Variants in ADGRV1 observed in about 807,000 individuals in gnomAD.
The protein encoded by ADGRV1 is G-protein coupled receptor 98.
In ADGRV1, 359 loss-of-function variants were observed where a neutral mutation model predicts 596.2. That is an observed-to-expected ratio of 0.60 (90% CI 0.55 to 0.66). The LOEUF (loss-of-function observed/expected upper bound fraction) is 0.66, where lower values mean the gene tolerates loss of function less well. ADGRV1 is among the 30% of genes least tolerant of loss of function. The probability of loss-of-function intolerance (pLI) is 0.00; values close to 1 mark genes in which losing one functional copy is unlikely to be tolerated. For synonymous variants in ADGRV1, 2,681 were observed against 2,679.2 expected, an observed-to-expected ratio of 1.00 and a Z score of -0.02; for missense variants, 7,274 against 7,575.6, an observed-to-expected ratio of 0.96 and a Z score of 1.48.
intron 83 of ADGRV1, among the ~76,000 whole-genome samples, chr5:90,920,036 A>G (rs951138922): frequency 1.3e-5 from 2 of 151,974 alleles, no homozygotes; most frequent in African/African-American, 4.8e-5. Context: ...TTGGAAGAGT[A>G]ATATTTACAT....
Position 90,736,900 on chromosome 5 carries a change from T to A in ADGRV1, c.10549+7136T>A, listed in dbSNP as rs540751834. 3.2e-3 allele frequency among the ~76,000 whole-genome samples: 483 copies of A among 150,822 alleles called. 1 individual carries two copies. Among genetic ancestry groups the A allele is most frequent in the African/African-American group, 5.3e-3 (218 of 41,336 alleles). The stretch of plus-strand genomic sequence containing the variant: ...CTAAGGGTTTGTCAACTTTTTCTTT[T>A]AAAAAAAAACAATTCTTAGTTTTAT... On this transcript the variant is annotated intron_variant, in intron 50 of 89. Coordinates refer to ENST00000405460, the MANE Select transcript of ADGRV1 (RefSeq NM_032119.4).
chr5:91,019,656 G>T (rs535444124), intron 85 of ADGRV1, among the ~76,000 whole-genome samples: 2 of 151,920 alleles, frequency 1.3e-5, no homozygotes, highest in Non-Finnish European at 2.9e-5. Flanking sequence ...CTTGGAAACT[G>T]TTTTGTAATT....
intron 77 of ADGRV1, among the ~76,000 whole-genome samples, chr5:90,835,151 G>C (rs1341647960): frequency 2.0e-5 from 3 of 152,078 alleles, no homozygotes; most frequent in Non-Finnish European, 4.4e-5. Context: ...TCACAATCTG[G>C]GCTTATTTTT....
At chr5:90,583,523 CA>C (rs979643337) in intron 1 of ADGRV1, among the ~76,000 whole-genome samples, 25 of 152,042 alleles carry the variant, frequency 1.6e-4, no homozygotes, top group African/African-American at 6.0e-4. Context: ...TTCTAGCTAC[CA>C]AAAACTTTTC....
At chr5:91,061,687 A>T (rs977787494) in intron 85 of ADGRV1, among the ~76,000 whole-genome samples, 7 of 152,240 alleles carry the variant, frequency 4.6e-5, no homozygotes, top group Non-Finnish European at 1.0e-4. Context: ...GCATATAAGT[A>T]CATTTTAAGC....
chr5:90,596,853 G>A (rs1760740633), intron 1 of ADGRV1, among the ~76,000 whole-genome samples: 1 of 152,116 alleles, frequency 6.6e-6, no homozygotes. Flanking sequence ...GAGAGCGAGA[G>A]GGAGAGGGAG....
At chr5:91,150,933 A>C (rs970105159) in intron 88 of ADGRV1, among the ~76,000 whole-genome samples, 2 of 152,184 alleles carry the variant, frequency 1.3e-5, no homozygotes, top group African/African-American at 4.8e-5. Context: ...ACATCCCTGA[A>C]TTCCTTTGGC....
chr5:91,037,036 G>A (rs1223992031), intron 85 of ADGRV1, among the ~76,000 whole-genome samples: 1 of 152,166 alleles, frequency 6.6e-6, no homozygotes, highest in Non-Finnish European at 1.5e-5. Context: ...TTCTGGGTCA[G>A]AGACAAAGCA....
intron 1 of ADGRV1, among the ~76,000 whole-genome samples, chr5:90,571,801 T>G (rs1298399065): frequency 6.6e-6 from 1 of 152,110 alleles, no homozygotes; most frequent in Non-Finnish European, 1.5e-5. Context: ...GTTTTTAAGG[T>G]GACTTTGGAG....
chr5:91,135,739 C>T (rs1794575016), intron 87 of ADGRV1, among the ~76,000 whole-genome samples: 1 of 152,102 alleles, frequency 6.6e-6, no homozygotes. Context: ...TGCTGGGCTA[C>T]GACATTGCAG....
Position 90,620,675 on chromosome 5 carries a change from GC to G in ADGRV1, c.453+1496del, listed in dbSNP as rs1162955449. On this transcript the variant is annotated intron_variant, in intron 4 of 89. Transcript: ENST00000405460. ...TTTTAGACATGAAGTCCTTGCCCAT[GC>G]CTATGTCCTGAATGGTATTGCCTAG... is the stretch of plus-strand genomic sequence containing the variant. Among the ~76,000 whole-genome samples the G allele has an allele frequency of 2.0e-5, 3 of 152,104 alleles. No homozygotes were observed. The East Asian group carries it at 5.8e-4, about 29-fold the overall frequency.
At chr5:90,720,397 T>C (rs1350518764) in intron 44 of ADGRV1, among the ~76,000 whole-genome samples, 174 bp downstream of exon 44, 1 of 152,232 alleles carries the variant, frequency 6.6e-6, no homozygotes, top group South Asian at 2.1e-4. Context: ...ACTGGGAGTA[T>C]CAAAAACCTA....
intron 85 of ADGRV1, among the ~76,000 whole-genome samples, chr5:90,987,860 A>G (rs565470410): frequency 6.6e-6 from 1 of 152,200 alleles, no homozygotes; most frequent in East Asian, 1.9e-4. Context: ...AAAATGCCTC[A>G]AGGGGAAAAT....
chr5:90,853,018 T>C (rs973499571), intron 79 of ADGRV1, among the ~76,000 whole-genome samples: 4 of 152,210 alleles, frequency 2.6e-5, no homozygotes, highest in African/African-American at 9.6e-5. Context: ...GATTTCATCT[T>C]GATATCCATA....
chr5:91,085,029 C>T (rs1454817644), intron 86 of ADGRV1, among the ~76,000 whole-genome samples: 1 of 152,004 alleles, frequency 6.6e-6, no homozygotes, highest in Non-Finnish European at 1.5e-5. Context: ...AGTTGAACAA[C>T]GAGAACACTT....
At chr5:91,060,354 C>T (rs1407828654) in intron 85 of ADGRV1, among the ~76,000 whole-genome samples, 1 of 148,708 alleles carries the variant, frequency 6.7e-6, no homozygotes, top group Non-Finnish European at 1.5e-5. Context: ...CTCCACCATG[C>T]CTGGCAATTT....
rs1306855544 is a variant in ADGRV1 at position 90,805,333 on chromosome 5, C to T, written c.14711C>T (p.Thr4904Ile). 3.7e-6 allele frequency: 6 copies of T among 1,612,752 alleles called. No homozygotes were observed. The highest frequency in any genetic ancestry group is 2.2e-5 in the East Asian group (1 of 44,888). ...AFQLMNITAGTSHVMISRRGT... is the reference protein window; with the variant it reads ...AFQLMNITAGISHVMISRRGT... ...CAACTCATGAACATCACTGCTGGCA[C>T]AAGCCACGTTATGATTTCTAGGAGA... Residue 4904 changes from threonine (T) to isoleucine (I), a missense_variant, in exon 72 of 90, where the codon ACA (threonine) becomes ATA (isoleucine). Thr to Ile is a moderately conservative substitution (Grantham distance 89). Around this residue, in one of 5 missense-constraint regions of ADGRV1, gnomAD observed 1,874 missense variants for 1,970.2 expected, o/e 0.95. Coordinates refer to ENST00000405460, the MANE Select transcript of ADGRV1 (RefSeq NM_032119.4).
At chr5:91,103,603 T>G (rs796576983) in intron 87 of ADGRV1, among the ~76,000 whole-genome samples, 7 of 152,132 alleles carry the variant, frequency 4.6e-5, no homozygotes, top group African/African-American at 1.7e-4. Context: ...ACACACAGTG[T>G]TATATGAAAG....
intron 83 of ADGRV1, among the ~76,000 whole-genome samples, chr5:90,879,851 G>A (rs1172789339): frequency 1.2e-4 from 18 of 152,042 alleles, no homozygotes; most frequent in Non-Finnish European, 1.5e-5. Flanking sequence ...GGAGGCTGAG[G>A]CAGGAGAATC....
Sources: allele counts gnomAD v4.1 joint callset (sites outside exome capture counted in the v4.1 genomes callset), GRCh38; gene constraint gnomAD v4.1.1; regional missense constraint gnomAD v4.1.1; transcripts MANE v1.5; gene names NCBI Gene and HGNC (gene_info 2026-07-23, HGNC 2026-07-21).